The following GALNT3 variants were observed in gnomAD, a reference collection of about 807,000 sequenced individuals.
GALNT3 encodes GalNAc transferase 3.
GALNT3 carries 51 observed loss-of-function variants against 69.8 expected under a neutral mutation model. The observed-to-expected ratio is 0.73, with a 90% confidence interval of 0.58 to 0.92. GALNT3 has a LOEUF of 0.92. Ranked by LOEUF, GALNT3 falls within the 40% of genes least tolerant of loss-of-function variation. The pLI, the probability that GALNT3 is intolerant of heterozygous loss-of-function variation, is 0.00. For synonymous variants in GALNT3, 265 were observed against 248.5 expected (o/e 1.07, Z -0.63); for missense variants, 711 against 760.0 (o/e 0.94, Z 0.76).
intron 1 of GALNT3, among the ~76,000 whole-genome samples, chr2:165,790,843 A>G (rs1209075688): frequency 6.6e-6 from 1 of 152,146 alleles, no homozygotes; most frequent in Non-Finnish European, 1.5e-5. Flanking sequence ...TAAAAAAGAA[A>G]AGCATTAAAT....
chr2:165,785,788 C>A (rs1455255706), intron 1 of GALNT3, among the ~76,000 whole-genome samples: 1 of 152,060 alleles, frequency 6.6e-6, no homozygotes, highest in African/African-American at 2.4e-5. Context: ...GAGCAACAGT[C>A]CGAACAGGGG....
chr2:165,751,303 T>G (rs1468711541), intron 9 of GALNT3, among the ~76,000 whole-genome samples: 3 of 152,178 alleles, frequency 2.0e-5, no homozygotes, highest in Non-Finnish European at 2.9e-5. Context: ...TTCGCTGAAT[T>G]CACAGAGCCA....
At chr2:165,782,335 C>T (rs1280426502) in intron 1 of GALNT3, among the ~76,000 whole-genome samples, 2 of 151,490 alleles carry the variant, frequency 1.3e-5, no homozygotes, top group African/African-American at 2.4e-5. Flanking sequence ...TTGTCTTGGG[C>T]CACACATAAA....
At chr2:165,753,054 G>GTATC (rs1688381798) in intron 9 of GALNT3, among the ~76,000 whole-genome samples, 2 of 152,056 alleles carry the variant, frequency 1.3e-5, no homozygotes, top group Non-Finnish European at 2.9e-5. Flanking sequence ...TCTGGCTTCT[G>GTATC]GGCATCTGTA....
chr2:165,762,598 A>T (rs1688571770), intron 3 of GALNT3, among the ~76,000 whole-genome samples: 1 of 152,218 alleles, frequency 6.6e-6, no homozygotes, highest in South Asian at 2.1e-4. Context: ...TCCTACACAG[A>T]GTCAGCAGAA....
intron 2 of GALNT3, among the ~76,000 whole-genome samples, chr2:165,765,970 C>G (rs1160645882): frequency 6.6e-6 from 1 of 152,032 alleles, no homozygotes; most frequent in African/African-American, 2.4e-5. Flanking sequence ...AAAATAGAGA[C>G]AGTCTGTGAT....
chr2:165,755,595 T>A (rs1558995005), intron 7 of GALNT3, among the ~76,000 whole-genome samples: 1 of 152,328 alleles, frequency 6.6e-6, no homozygotes, highest in African/African-American at 2.4e-5. Context: ...TATCCCCAAC[T>A]GAACCTTTAG....
At chr2:165,749,967 GC>G (rs1160627549) in intron 9 of GALNT3, 73 bp from the exon 10 acceptor site, 2 of 1,288,022 alleles carry the variant, frequency 1.6e-6, no homozygotes, top group African/African-American at 2.9e-5. Flanking sequence ...AAATAAATCA[GC>G]AACTCGTTAA....
chr2:165,769,130 G>A (rs2105418203), intron 2 of GALNT3, among the ~76,000 whole-genome samples: 1 of 149,634 alleles, frequency 6.7e-6, no homozygotes, highest in South Asian at 2.1e-4. Flanking sequence ...GAGGGGCTGG[G>A]TGCAGTGGCT....
intron 10 of GALNT3, among the ~76,000 whole-genome samples, chr2:165,749,233 G>A (rs996958437): frequency 2.6e-5 from 4 of 152,084 alleles, no homozygotes; most frequent in Non-Finnish European, 4.4e-5. Flanking sequence ...ACGTTTTCTA[G>A]TACTGCACAA....
chr2:165,779,802 A>G (rs1474307156), intron 1 of GALNT3, among the ~76,000 whole-genome samples: 2 of 152,246 alleles, frequency 1.3e-5, no homozygotes, highest in African/African-American at 4.8e-5. Context: ...CCTCACTTAC[A>G]TAATTGGCTG....
chr2:165,770,001 G>A, intron 2 of GALNT3, 185 bp downstream of exon 2: 1 of 700,200 alleles, frequency 1.4e-6, no homozygotes. Flanking sequence ...GCCTCACCAA[G>A]CATAAATAGG....
At chr2:165,794,491 G>A (rs1683424160), upstream of GALNT3, 1 of 152,310 alleles carries the variant, frequency 6.6e-6, no homozygotes, top group Non-Finnish European at 1.5e-5. Context: ...GCACTGACCT[G>A]GTGGCAGTGA....
In GALNT3 at chr2:165,761,849, A is replaced by C. The variant is rs780576364; in HGVS notation, c.838+56T>G. ...AAAGAAAAGACTTCCTTACCTTTTA[A>C]ATTAGAGGGAGAGGGAGGGAAAATG... On this transcript the variant is annotated intron_variant, in intron 4 of 10. Coordinates refer to ENST00000392701, the MANE Select transcript of GALNT3 (RefSeq NM_004482.4). 6 of 1,576,674 alleles carry C rather than the reference A, an allele frequency of 3.8e-6. No individual in the cohort carries two copies. In the Admixed American group the frequency reaches 1.0e-4, roughly 26 times the overall value.
intron 1 of GALNT3, among the ~76,000 whole-genome samples, chr2:165,774,909 C>CTTTTTTTTTTTTTTTT (rs71031204): frequency 1.9e-5 from 2 of 104,326 alleles, no homozygotes; most frequent in Non-Finnish European, 3.7e-5. Flanking sequence ...CTTCTTCTCT[C>CTTTTTTTTTTTTTTTT]TTTTTTTTTT....
At chr2:165,780,555 C>T (rs7558871) in intron 1 of GALNT3, among the ~76,000 whole-genome samples, 146,009 of 152,248 alleles carry the variant, frequency 0.96, 70,208 homozygotes, top group Non-Finnish European at 1. Flanking sequence ...CAGTTACTCA[C>T]GAGTAGGGCT....
chr2:165,789,433 A>G (rs183825511), intron 1 of GALNT3, among the ~76,000 whole-genome samples: 403 of 152,332 alleles, frequency 2.6e-3, no homozygotes, highest in African/African-American at 9.4e-3. Context: ...TGATTTCAAC[A>G]TATGAATTTT....
chr2:165,779,190 G>A (rs1396633728), intron 1 of GALNT3, among the ~76,000 whole-genome samples: 1 of 152,200 alleles, frequency 6.6e-6, no homozygotes, highest in Non-Finnish European at 1.5e-5. Flanking sequence ...GAGCATCACA[G>A]AAACCAGAAA....
intron 1 of GALNT3, among the ~76,000 whole-genome samples, chr2:165,782,490 C>G (rs773551335): frequency 1.3e-5 from 2 of 152,058 alleles, no homozygotes; most frequent in African/African-American, 2.4e-5. Context: ...CCATGGGCCA[C>G]AGGTTAAACA....
Sources: allele counts gnomAD v4.1 joint callset (sites outside exome capture counted in the v4.1 genomes callset), GRCh38; gene constraint gnomAD v4.1.1; transcripts MANE v1.5; gene names NCBI Gene and HGNC (gene_info 2026-07-23, HGNC 2026-07-21).